MACROD2: variants seen among roughly 807,000 people sequenced by gnomAD.
MACROD2 encodes ADP-ribose glycohydrolase MACROD2.
MACROD2 carries 36 observed loss-of-function variants against 70.4 expected under a neutral mutation model. The ratio of observed to expected loss-of-function variants is 0.51; its 90% CI spans 0.39 to 0.68. The LOEUF is 0.68. Ranked by LOEUF, MACROD2 falls within the 30% of genes least tolerant of loss-of-function variation. The pLI is 0.00. For missense variants in MACROD2, 496 were observed against 538.4 expected (o/e 0.92, Z 0.78); for synonymous variants, 172 against 178.8 (o/e 0.96, Z 0.30).
intron 3 of MACROD2, among the ~76,000 whole-genome samples, chr20:14,282,128 C>G (rs1286358813): frequency 6.6e-6 from 1 of 151,886 alleles, no homozygotes; most frequent in Non-Finnish European, 1.5e-5. Flanking sequence ...CTTCTACATT[C>G]AATTTATTGT....
At chr20:15,821,267 A>G (rs769617818) in intron 8 of MACROD2, among the ~76,000 whole-genome samples, 15 of 152,100 alleles carry the variant, frequency 9.9e-5, no homozygotes, top group Non-Finnish European at 2.2e-4. Flanking sequence ...TTTATTTAAA[A>G]TGTAGTTTCT....
chr20:14,943,003 C>A (rs1393063389), intron 5 of MACROD2, among the ~76,000 whole-genome samples: 1 of 152,148 alleles, frequency 6.6e-6, no homozygotes, highest in Non-Finnish European at 1.5e-5. Flanking sequence ...CAAAGGCTGG[C>A]AGCTTGTATT....
intron 5 of MACROD2, among the ~76,000 whole-genome samples, chr20:14,943,360 T>G (rs2074405827): frequency 6.6e-6 from 1 of 152,178 alleles, no homozygotes; most frequent in Non-Finnish European, 1.5e-5. Flanking sequence ...GTACAGATTT[T>G]TTTTTTTCAT....
intron 2 of MACROD2, among the ~76,000 whole-genome samples, chr20:14,033,528 G>C (rs956874280): frequency 6.6e-5 from 10 of 152,020 alleles, no homozygotes; most frequent in Admixed American, 6.5e-4. Context: ...ACATCCTGTT[G>C]GGTTTTGAAA....
At chr20:15,456,179 C>G (rs565475531) in intron 7 of MACROD2, among the ~76,000 whole-genome samples, 1 of 152,240 alleles carries the variant, frequency 6.6e-6, no homozygotes, top group African/African-American at 2.4e-5. Flanking sequence ...AGAAAAGAAT[C>G]TCTTTGAACT....
chr20:15,437,424 T>C (rs569219920), intron 7 of MACROD2, among the ~76,000 whole-genome samples: 1 of 152,254 alleles, frequency 6.6e-6, no homozygotes, highest in South Asian at 2.1e-4. Flanking sequence ...AATTCGCACA[T>C]ACCATCACCA....
chr20:15,423,821 T>C (rs2046261515), intron 6 of MACROD2, among the ~76,000 whole-genome samples: 1 of 151,938 alleles, frequency 6.6e-6, no homozygotes, highest in African/African-American at 2.4e-5. Flanking sequence ...CCTCGTGGAG[T>C]GTCTTACTCG....
chr20:15,864,643 G>A (rs1242019706), intron 9 of MACROD2, among the ~76,000 whole-genome samples: 1 of 152,018 alleles, frequency 6.6e-6, no homozygotes, highest in Non-Finnish European at 1.5e-5. Context: ...AGTTTTAGGA[G>A]GGTAAAATAT....
intron 3 of MACROD2, among the ~76,000 whole-genome samples, chr20:14,309,439 A>G (rs2082547443): frequency 6.6e-6 from 1 of 152,162 alleles, no homozygotes; most frequent in African/African-American, 2.4e-5. Context: ...GATTAGATAT[A>G]ATAGTCCTAA....
intron 5 of MACROD2, among the ~76,000 whole-genome samples, chr20:15,098,867 G>C (rs1181602186): frequency 2.0e-5 from 3 of 152,224 alleles, no homozygotes; most frequent in Non-Finnish European, 2.9e-5. Context: ...GCTCAGAAGT[G>C]AAAAGCTGCC....
chr20:15,344,217 C>G (rs1017106666), intron 6 of MACROD2, among the ~76,000 whole-genome samples: 3 of 152,180 alleles, frequency 2.0e-5, no homozygotes, highest in Non-Finnish European at 4.4e-5. Context: ...GGAACAGGCT[C>G]TTCCTCCTAC....
chr20:14,024,446 G>A (rs561259403), intron 2 of MACROD2, among the ~76,000 whole-genome samples: 2 of 152,332 alleles, frequency 1.3e-5, no homozygotes, highest in South Asian at 4.1e-4. Flanking sequence ...AGTGGTGAGA[G>A]AGGGCATCCT....
chr20:15,213,811 C>T (rs1317887620), intron 5 of MACROD2, among the ~76,000 whole-genome samples: 1 of 152,146 alleles, frequency 6.6e-6, no homozygotes, highest in African/African-American at 2.4e-5. Flanking sequence ...CCACATTTAT[C>T]AGAAGCTGCA....
At chr20:14,862,632 T>A (rs796174509) in intron 5 of MACROD2, among the ~76,000 whole-genome samples, 3 of 7,270 alleles carry the variant, frequency 4.1e-4, no homozygotes, top group Admixed American at 3.2e-3. Flanking sequence ...TATATATAAA[T>A]ATATATATAA....
intron 6 of MACROD2, among the ~76,000 whole-genome samples, chr20:15,385,151 A>G (rs1290693415): frequency 6.6e-6 from 1 of 152,212 alleles, no homozygotes; most frequent in African/African-American, 2.4e-5. Context: ...GAAGTGGAGA[A>G]GGAGGGCAGA....
chr20:15,653,459 T>C (rs458236), intron 8 of MACROD2, among the ~76,000 whole-genome samples: 73,956 of 152,006 alleles, frequency 0.49, 18,497 homozygotes, highest in East Asian at 0.88. Context: ...GGAGCATCAA[T>C]CACTCAGTCT....
chr20:14,456,201 G>A (rs2084300186), intron 3 of MACROD2, among the ~76,000 whole-genome samples: 1 of 151,856 alleles, frequency 6.6e-6, no homozygotes, highest in South Asian at 2.1e-4. Context: ...TTTCATGAGT[G>A]TTGAAAAGAC....
chr20:15,085,994 T>A (rs1218108672), intron 5 of MACROD2, among the ~76,000 whole-genome samples: 1 of 151,318 alleles, frequency 6.6e-6, no homozygotes, highest in East Asian at 2.0e-4. Flanking sequence ...ACTTAACAAG[T>A]ACATTCTCAG....
chr20:15,527,120 C>T (rs73098245), intron 8 of MACROD2, among the ~76,000 whole-genome samples: 9,165 of 152,126 alleles, frequency 0.06, 290 homozygotes, highest in Non-Finnish European at 0.076. Context: ...GAGCATCAAG[C>T]TGTTAAGGAC....
Sources: gnomAD v4.1 joint callset for allele counts (sites outside exome capture counted in the v4.1 genomes callset) on GRCh38, gnomAD v4.1.1 for gene constraint, MANE v1.5 for transcripts, NCBI Gene and HGNC (gene_info 2026-07-23, HGNC 2026-07-21) for gene names.